The following CDKAL1 variants were observed in gnomAD, a reference collection of about 807,000 sequenced individuals.
CDKAL1 encodes the protein CDKAL1 threonylcarbamoyladenosine tRNA methylthiotransferase.
Under a neutral mutation model 68.2 loss-of-function variants are expected in CDKAL1, and 32 were observed. The ratio of observed to expected loss-of-function variants is 0.47; its 90% CI spans 0.35 to 0.63. The LOEUF (loss-of-function observed/expected upper bound fraction) is 0.63, where lower values mean the gene tolerates loss of function less well. CDKAL1 is among the 30% of genes least tolerant of loss of function. CDKAL1 has a pLI of 0.00. For synonymous variants in CDKAL1, 234 were observed against 244.3 expected (o/e 0.96, Z 0.39); for missense variants, 606 against 696.7 (o/e 0.87, Z 1.47).
chr6:20,669,293 C>A (rs1769698108), intron 5 of CDKAL1, among the ~76,000 whole-genome samples: 1 of 152,130 alleles, frequency 6.6e-6, no homozygotes, highest in Non-Finnish European at 1.5e-5. Context: ...CATGTCTTCT[C>A]CACTTATTAA....
intron 4 of CDKAL1, among the ~76,000 whole-genome samples, chr6:20,561,534 T>C (rs1452826638): frequency 6.6e-6 from 1 of 151,504 alleles, no homozygotes; most frequent in Non-Finnish European, 1.5e-5. Flanking sequence ...CACCATTTAT[T>C]AGCTATATAA....
chr6:20,727,032 A>G (rs966532919), intron 5 of CDKAL1, among the ~76,000 whole-genome samples: 12 of 152,210 alleles, frequency 7.9e-5, no homozygotes, highest in Non-Finnish European at 1.0e-4. Context: ...CTGTCTAATC[A>G]AGTGGCCTGG....
chr6:21,136,897 G>GT (rs1775632353), intron 13 of CDKAL1, among the ~76,000 whole-genome samples: 1 of 152,116 alleles, frequency 6.6e-6, no homozygotes, highest in Admixed American at 6.5e-5. Context: ...AATTATAAAG[G>GT]TAACACGGAG....
rs1248525419 is a variant in CDKAL1 at position 20,974,166 on chromosome 6, T to C, written c.909+18581T>C. On this transcript the variant is annotated intron_variant, in intron 10 of 15. Coordinates refer to ENST00000274695, the MANE Select transcript of CDKAL1 (RefSeq NM_017774.3). ...CTTCCCTCTCTAGGTCTAAGATGGC[T>C]CTTCTTTGTCCTGCCGTCATGTTAG... 3.3e-5 allele frequency among the ~76,000 whole-genome samples: 5 copies of C among 152,220 alleles called. No homozygotes were observed. The East Asian group carries it at 7.7e-4, about 24-fold the overall frequency.
intron 8 of CDKAL1, among the ~76,000 whole-genome samples, chr6:20,830,775 G>A (rs1777684556): frequency 6.6e-6 from 1 of 152,172 alleles, no homozygotes; most frequent in African/African-American, 2.4e-5. Flanking sequence ...GCAAGGAAAA[G>A]TAGTTGAGAA....
intron 5 of CDKAL1, among the ~76,000 whole-genome samples, chr6:20,725,783 T>TAAA (rs67587689): frequency 2.3e-4 from 23 of 99,066 alleles, no homozygotes; most frequent in African/African-American, 8.1e-4. Context: ...AAACTCCGTC[T>TAAA]AAAAAAAAAA....
intron 4 of CDKAL1, among the ~76,000 whole-genome samples, chr6:20,557,100 A>T (rs1764086873): frequency 6.6e-6 from 1 of 151,192 alleles, no homozygotes; most frequent in Non-Finnish European, 1.5e-5. Context: ...AAATAAATAA[A>T]TACATAAATA....
intron 11 of CDKAL1, among the ~76,000 whole-genome samples, chr6:21,034,255 A>G (rs1769451696): frequency 6.6e-6 from 1 of 152,122 alleles, no homozygotes; most frequent in South Asian, 2.1e-4. Flanking sequence ...TGGAAGGAAG[A>G]TACAGAAGAT....
At chr6:21,047,552 CA>C (rs1770313051) in intron 11 of CDKAL1, among the ~76,000 whole-genome samples, 1 of 152,176 alleles carries the variant, frequency 6.6e-6, no homozygotes, top group Non-Finnish European at 1.5e-5. Context: ...TTCTCCCAAG[CA>C]TTTCACCTTT....
rs904715751 is a variant in CDKAL1 at position 21,179,946 on chromosome 6, G to A, written c.1300-18075G>A. Among the ~76,000 whole-genome samples, 7 of 152,124 alleles carry A rather than the reference G, an allele frequency of 4.6e-5. No homozygotes were observed. In the South Asian group the frequency reaches 6.2e-4, roughly 14 times the overall value. On this transcript the variant is annotated intron_variant, in intron 13 of 15. Coordinates refer to ENST00000274695, the MANE Select transcript of CDKAL1 (RefSeq NM_017774.3). Reference sequence around the variant, plus strand: ...TGAGGTGAGAGGATTGCTCAAGCCCGGGAAGTCGAGGCTGCAGTATGCTGA... The same window carrying A: ...TGAGGTGAGAGGATTGCTCAAGCCCAGGAAGTCGAGGCTGCAGTATGCTGA...
chr6:20,944,411 G>A (rs2150704036), intron 9 of CDKAL1, among the ~76,000 whole-genome samples: 1 of 152,334 alleles, frequency 6.6e-6, no homozygotes, highest in African/African-American at 2.4e-5. Context: ...GCAGTGGCGT[G>A]ATCTCAGCTC....
chr6:20,778,825 A>G (rs1023308138), intron 7 of CDKAL1, among the ~76,000 whole-genome samples: 3 of 152,122 alleles, frequency 2.0e-5, no homozygotes, highest in African/African-American at 7.2e-5. Context: ...CTTTTATTTA[A>G]TTGGACGAGG....
At chr6:20,966,674 C>G (rs796077762) in intron 10 of CDKAL1, among the ~76,000 whole-genome samples, 15 of 152,190 alleles carry the variant, frequency 9.9e-5, no homozygotes, top group African/African-American at 3.4e-4. Context: ...AGAGAAAATA[C>G]TGTCATTAAG....
chr6:20,870,285 G>A (rs1235332609), intron 9 of CDKAL1, among the ~76,000 whole-genome samples: 1 of 152,150 alleles, frequency 6.6e-6, no homozygotes, highest in Non-Finnish European at 1.5e-5. Flanking sequence ...AGATACTGCA[G>A]GCTTCATGAG....
At chr6:21,163,173 C>A (rs1045485952) in intron 13 of CDKAL1, among the ~76,000 whole-genome samples, 3 of 152,208 alleles carry the variant, frequency 2.0e-5, no homozygotes, top group African/African-American at 7.2e-5. Context: ...CTCCTCCTCA[C>A]TGCCAGCACA....
At position 20,739,581 on chromosome 6, in the gene CDKAL1, G is replaced by A. The variant is rs149431105; in HGVS notation, c.434G>A (p.Arg145His). Reference sequence around the variant, plus strand: ...GGATGCGTTCCTCAAGCCCAGCCTCGCCAGGACTACCTTAAGGGACTGAGT... The same window carrying A: ...GGATGCGTTCCTCAAGCCCAGCCTCACCAGGACTACCTTAAGGGACTGAGT... ...LAGCVPQAQP[R>H]QDYLKGLSII... The change falls in exon 6 of 16, where the codon CGC becomes CAC. Residue 145 changes from arginine to histidine, a missense_variant. Transcript: ENST00000274695. 7.9e-5 allele frequency: 127 copies of A among 1,612,646 alleles called. 1 individual carries two copies. The highest frequency in any genetic ancestry group is 4.0e-4 in the Admixed American group (24 of 59,912).
chr6:20,909,503 G>A (rs1762373993), intron 9 of CDKAL1, among the ~76,000 whole-genome samples: 1 of 152,158 alleles, frequency 6.6e-6, no homozygotes, highest in African/African-American at 2.4e-5. Context: ...TGCTTATGCA[G>A]TCAGTGAGAT....
At chr6:21,229,018 C>T (rs958453598) in intron 15 of CDKAL1, among the ~76,000 whole-genome samples, 2 of 152,170 alleles carry the variant, frequency 1.3e-5, no homozygotes, top group African/African-American at 2.4e-5. Flanking sequence ...TGCCTCCTTA[C>T]GAAGGACTCA....
intron 15 of CDKAL1, among the ~76,000 whole-genome samples, chr6:21,209,181 A>G (rs1360897647): frequency 6.6e-6 from 1 of 152,176 alleles, no homozygotes; most frequent in Non-Finnish European, 1.5e-5. Flanking sequence ...GGCAGCTAGA[A>G]CACGATGAAG....
Sources: gnomAD v4.1 joint callset for allele counts (sites outside exome capture counted in the v4.1 genomes callset) on GRCh38, gnomAD v4.1.1 for gene constraint, MANE v1.5 for transcripts, NCBI Gene and HGNC (gene_info 2026-07-23, HGNC 2026-07-21) for gene names.